Variants in CSMD1 observed in about 807,000 individuals in gnomAD.
CSMD1 encodes the protein CUB and Sushi multiple domains 1, also known as CUB and sushi domain-containing protein 1.
Under a neutral mutation model 417.5 loss-of-function variants are expected in CSMD1, and 213 were observed. The observed-to-expected ratio is 0.51, with a 90% CI of 0.46 to 0.57. The LOEUF (loss-of-function observed/expected upper bound fraction) is 0.57, where lower values mean the gene tolerates loss of function less well. Ranked by LOEUF, CSMD1 falls within the 20% of genes least tolerant of loss-of-function variation. CSMD1 has a pLI of 0.00. For missense variants in CSMD1, 6,923 were observed against 4,529.7 expected, an observed-to-expected ratio of 1.53 and a Z score of -15.17; for synonymous variants, 2,862 against 1,736.8, an observed-to-expected ratio of 1.65 and a Z score of -16.11.
At chr8:4,565,966 G>T (rs1196288096) in intron 2 of CSMD1, among the ~76,000 whole-genome samples, 3 of 151,334 alleles carry the variant, frequency 2.0e-5, no homozygotes, top group Non-Finnish European at 4.4e-5. Context: ...ATTATTCTCA[G>T]TATAATCTAT....
At chr8:3,831,942 A>C (rs1054659682) in intron 5 of CSMD1, among the ~76,000 whole-genome samples, 2 of 152,138 alleles carry the variant, frequency 1.3e-5, no homozygotes, top group Non-Finnish European at 2.9e-5. Context: ...TTAGTCCTGG[A>C]AAGTTTGCAG....
intron 2 of CSMD1, among the ~76,000 whole-genome samples, chr8:4,553,137 T>C (rs1797943451): frequency 6.6e-6 from 1 of 152,254 alleles, no homozygotes; most frequent in African/African-American, 2.4e-5. Flanking sequence ...CCGTACCTTG[T>C]GAACACCTCA....
intron 7 of CSMD1, among the ~76,000 whole-genome samples, chr8:3,679,313 A>G (rs990712527): frequency 2.6e-5 from 4 of 152,186 alleles, no homozygotes; most frequent in Non-Finnish European, 5.9e-5. Context: ...AGACACACAT[A>G]GGCTCAAAAT....
intron 41 of CSMD1, among the ~76,000 whole-genome samples, chr8:3,123,829 A>T (rs1175837595): frequency 6.6e-6 from 1 of 152,196 alleles, no homozygotes; most frequent in Non-Finnish European, 1.5e-5. Context: ...ACAGAGACAC[A>T]CACACATTTA....
At chr8:3,139,929 G>T (rs1818331123) in intron 41 of CSMD1, among the ~76,000 whole-genome samples, 1 of 130,074 alleles carries the variant, frequency 7.7e-6, no homozygotes. Context: ...TTTAGATGGA[G>T]TCTCCCTCTG....
chr8:3,698,906 G>A (rs1451504403), intron 7 of CSMD1, among the ~76,000 whole-genome samples: 2 of 152,146 alleles, frequency 1.3e-5, no homozygotes, highest in South Asian at 2.1e-4. Flanking sequence ...TTGGATTAGG[G>A]GACATGTCAC....
At chr8:4,760,589 A>G (rs1353958585) in intron 1 of CSMD1, among the ~76,000 whole-genome samples, 2 of 152,222 alleles carry the variant, frequency 1.3e-5, no homozygotes, top group East Asian at 1.9e-4. Flanking sequence ...GAATAATTAT[A>G]CCTATGAAAA....
At chr8:4,448,968 C>G (rs1798974267) in intron 2 of CSMD1, among the ~76,000 whole-genome samples, 1 of 152,126 alleles carries the variant, frequency 6.6e-6, no homozygotes, top group African/African-American at 2.4e-5. Flanking sequence ...TCTTCTGGAT[C>G]CTAAGGTACA....
intron 3 of CSMD1, among the ~76,000 whole-genome samples, chr8:4,321,168 GCA>G (rs149140090): frequency 0.013 from 1,991 of 151,908 alleles, 43 homozygotes; most frequent in African/African-American, 0.046. Flanking sequence ...CTGTCACCTC[GCA>G]CAGTGATCAA....
chr8:3,071,696 A>T (rs1416322811), intron 49 of CSMD1, among the ~76,000 whole-genome samples: 1 of 152,208 alleles, frequency 6.6e-6, no homozygotes, highest in African/African-American at 2.4e-5. Context: ...TGTGAGCAAA[A>T]AAACTACCAT....
At chr8:4,339,899 C>T (rs1563071972) in intron 3 of CSMD1, among the ~76,000 whole-genome samples, 1 of 152,018 alleles carries the variant, frequency 6.6e-6, no homozygotes, top group Admixed American at 6.6e-5. Context: ...GTGGCACGCA[C>T]CAGTAGTCCT....
intron 3 of CSMD1, among the ~76,000 whole-genome samples, chr8:4,061,418 C>G (rs772920050): frequency 6.6e-6 from 1 of 152,188 alleles, no homozygotes; most frequent in Non-Finnish European, 1.5e-5. Context: ...TCCTAGCACT[C>G]TTCCAACCTG....
chr8:3,666,611 G>A (rs1346847762), intron 7 of CSMD1, among the ~76,000 whole-genome samples: 2 of 152,118 alleles, frequency 1.3e-5, no homozygotes, highest in African/African-American at 4.8e-5. Context: ...CCCATGTGTT[G>A]TGAGAGGGAC....
intron 41 of CSMD1, among the ~76,000 whole-genome samples, chr8:3,130,549 C>A (rs555693179): frequency 6.6e-6 from 1 of 152,140 alleles, no homozygotes; most frequent in South Asian, 2.1e-4. Context: ...AACCTGAATG[C>A]GTCACAGCCA....
At chr8:4,302,083 C>A (rs549535067) in intron 3 of CSMD1, among the ~76,000 whole-genome samples, 1 of 152,074 alleles carries the variant, frequency 6.6e-6, no homozygotes, top group African/African-American at 2.4e-5. Context: ...TTATGAAGAC[C>A]CCTTGTATAG....
chr8:3,986,415 A>T (rs1017460117), intron 5 of CSMD1, among the ~76,000 whole-genome samples: 4 of 152,124 alleles, frequency 2.6e-5, no homozygotes, highest in Non-Finnish European at 5.9e-5. Context: ...ACTGTTGAAT[A>T]CGTTTCCACT....
intron 5 of CSMD1, among the ~76,000 whole-genome samples, chr8:3,904,573 G>T (rs945907150): frequency 2.0e-5 from 3 of 151,756 alleles, no homozygotes; most frequent in African/African-American, 7.3e-5. Flanking sequence ...TGGAGAGTTG[G>T]GAATTAAATT....
intron 4 of CSMD1, among the ~76,000 whole-genome samples, chr8:4,011,215 C>A (rs1254572295): frequency 6.6e-6 from 1 of 152,018 alleles, no homozygotes; most frequent in Non-Finnish European, 1.5e-5. Context: ...TGTGTTCTAC[C>A]TTTCCTCTCT....
intron 1 of CSMD1, among the ~76,000 whole-genome samples, chr8:4,914,745 T>C (rs1805937630): frequency 6.6e-6 from 1 of 152,148 alleles, no homozygotes; most frequent in Non-Finnish European, 1.5e-5. Flanking sequence ...AAGAGGCTAA[T>C]GTGTTTTCTC....
Sources: allele counts gnomAD v4.1 joint callset (sites outside exome capture counted in the v4.1 genomes callset), GRCh38; gene constraint gnomAD v4.1.1; transcripts MANE v1.5; gene names NCBI Gene and HGNC (gene_info 2026-07-23, HGNC 2026-07-21).